Variants in CFAP20DC observed in about 807,000 individuals in gnomAD.
The protein encoded by CFAP20DC is CFAP20 domain containing.
CFAP20DC carries 84 observed loss-of-function variants against 101.7 expected under a neutral mutation model. The observed-to-expected ratio is 0.83, with a 90% confidence interval of 0.69 to 0.99. The LOEUF is 0.99. CFAP20DC is among the 50% of genes least tolerant of loss of function. The pLI is 0.00. For missense variants in CFAP20DC, 1,007 were observed against 970.3 expected (o/e 1.04, Z -0.50); for synonymous variants, 359 against 351.2 (o/e 1.02, Z -0.25).
chr3:58,741,421 T>TG, downstream of CFAP20DC, among the ~76,000 whole-genome samples: 1 of 151,962 alleles, frequency 6.6e-6, no homozygotes, highest in African/African-American at 2.4e-5. Context: ...TGTGTGGCAG[T>TG]GGGGGGATTT....
intron 8 of CFAP20DC, 94 bp downstream of exon 8, chr3:58,870,078 TG>T: frequency 1.9e-6 from 2 of 1,043,556 alleles, no homozygotes; most frequent in Non-Finnish European, 2.9e-6. Context: ...TCTGTCTGTC[TG>T]TCTTTCCCTC....
chr3:58,796,604 G>A (rs1277333075), intron 15 of CFAP20DC, among the ~76,000 whole-genome samples: 2 of 152,136 alleles, frequency 1.3e-5, no homozygotes, highest in Non-Finnish European at 2.9e-5. Context: ...AGTTAAATTT[G>A]ACAGTGCACC....
At chr3:58,972,438 C>G (rs1326100867) in intron 4 of CFAP20DC, among the ~76,000 whole-genome samples, 1 of 152,064 alleles carries the variant, frequency 6.6e-6, no homozygotes, top group Non-Finnish European at 1.5e-5. Context: ...TGTAGAGGAC[C>G]TGAAGAAAAA....
At chr3:58,813,854 C>G (rs1319632607) in intron 14 of CFAP20DC, among the ~76,000 whole-genome samples, 1 of 151,810 alleles carries the variant, frequency 6.6e-6, no homozygotes, top group Non-Finnish European at 1.5e-5. Flanking sequence ...GCTGGGAGAA[C>G]AGTGGAAGGA....
chr3:58,831,991 C>T, intron 13 of CFAP20DC, 102 bp from the exon 14 acceptor site: 2 of 939,116 alleles, frequency 2.1e-6, no homozygotes, highest in Non-Finnish European at 3.3e-6. Flanking sequence ...CCCCAACTGA[C>T]AGAGGCCCAA....
chr3:58,843,633 C>A (rs941446994), intron 13 of CFAP20DC, among the ~76,000 whole-genome samples: 24 of 151,804 alleles, frequency 1.6e-4, no homozygotes, highest in African/African-American at 4.8e-4. Context: ...GAAAGGCAGG[C>A]CAACGTTCAG....
intron 12 of CFAP20DC, among the ~76,000 whole-genome samples, chr3:58,858,657 AT>A (rs2079022252): frequency 6.6e-6 from 1 of 152,202 alleles, no homozygotes; most frequent in Non-Finnish European, 1.5e-5. Context: ...CATGAAAAAA[AT>A]CTTATGTAAA....
At position 59,035,962 on chromosome 3, in the gene CFAP20DC, T is replaced by C. The variant is rs567442505; in HGVS notation, c.278+3595A>G. ...AAAAAGCTTATCCACCACAATCAAG[T>C]TGGCTTCATCCCTGGGATGCAAGGC... is the stretch of plus-strand genomic sequence containing the variant. On this transcript the variant is annotated intron_variant, in intron 4 of 16. Coordinates refer to ENST00000482387, the MANE Select transcript of CFAP20DC (RefSeq NM_001394063.1). 7.2e-5 allele frequency among the ~76,000 whole-genome samples: 11 copies of C among 151,804 alleles called. 1 individual carries two copies. The East Asian group carries it at 1.7e-3, about 24-fold the overall frequency.
At chr3:58,907,816 G>A (rs574711004) in intron 6 of CFAP20DC, among the ~76,000 whole-genome samples, 1 of 152,144 alleles carries the variant, frequency 6.6e-6, no homozygotes, top group Non-Finnish European at 1.5e-5. Flanking sequence ...GATAGGGTGC[G>A]TACAAGGCGA....
In CFAP20DC at chr3:58,724,792, G is replaced by A. The variant is rs2067525979; in HGVS notation, c.198-7164C>T. Among the ~76,000 whole-genome samples the A allele has an allele frequency of 6.6e-6, 1 of 152,052 alleles. No homozygotes were observed. Among genetic ancestry groups the A allele is most frequent in the Non-Finnish European group, 1.5e-5 (1 of 68,014 alleles). ...TCTTCTCAATCCTTTGTCGCCACCGGACTTCGGGTACCCTACGGGTGGGTG... is the reference window on the plus strand; with the variant it reads ...TCTTCTCAATCCTTTGTCGCCACCGAACTTCGGGTACCCTACGGGTGGGTG... On this transcript the variant is annotated intron_variant, in intron 3 of 3. Coordinates refer to the CFAP20DC transcript ENST00000486145. The surrounding 1 kb of genome is among the most constrained non-coding windows in gnomAD (Gnocchi z 5.6).
At chr3:58,862,322 T>C in intron 12 of CFAP20DC, 1 of 985,458 alleles carries the variant, frequency 1.0e-6, no homozygotes, top group African/African-American at 1.7e-5. Context: ...AGGACACTAT[T>C]AGGTGCTGAA....
chr3:58,921,649 T>A (rs182285511), intron 5 of CFAP20DC, among the ~76,000 whole-genome samples: 2 of 152,328 alleles, frequency 1.3e-5, no homozygotes, highest in Non-Finnish European at 2.9e-5. Context: ...GCCTAACATA[T>A]CATATATTTT....
chr3:58,929,842 T>C (rs1377534483), intron 5 of CFAP20DC, among the ~76,000 whole-genome samples: 1 of 152,194 alleles, frequency 6.6e-6, no homozygotes, highest in Non-Finnish European at 1.5e-5. Context: ...GAACTTCTTA[T>C]TGAAGTTACT....
chr3:59,035,459 G>A (rs1281913611), intron 4 of CFAP20DC, among the ~76,000 whole-genome samples: 1 of 152,024 alleles, frequency 6.6e-6, no homozygotes, highest in African/African-American at 2.4e-5. Flanking sequence ...GACTACTAAA[G>A]AAGAAAAGAC....
intron 5 of CFAP20DC, among the ~76,000 whole-genome samples, chr3:58,936,928 A>C (rs975480319): frequency 6.7e-6 from 1 of 149,494 alleles, no homozygotes; most frequent in Non-Finnish European, 1.5e-5. Context: ...TATAATAATA[A>C]CAAAATTAAA....
At chr3:58,820,028 C>T (rs1438329859) in intron 14 of CFAP20DC, among the ~76,000 whole-genome samples, 2 of 147,422 alleles carry the variant, frequency 1.4e-5, no homozygotes, top group Non-Finnish European at 3.0e-5. Context: ...ATAAACAGAG[C>T]CAAAGACAAA....
rs1156316598 is a variant in CFAP20DC at position 58,867,555 on chromosome 3, A to C, written c.1135+262T>G. Among the ~76,000 whole-genome samples, 3 of 152,202 alleles carry C rather than the reference A, an allele frequency of 2.0e-5. No individual in the cohort carries two copies. The East Asian group carries it at 5.8e-4, about 29-fold the overall frequency. ...TTGGGCCATTTTTTTCAAAAACAAT[A>C]ATTTAAGCTTATTCAGTCTTTGAGA... is the stretch of plus-strand genomic sequence containing the variant. On this transcript the variant is annotated intron_variant, in intron 10 of 16. Transcript: ENST00000482387.
intron 16 of CFAP20DC, among the ~76,000 whole-genome samples, chr3:58,750,436 GA>G (rs2068489364): frequency 6.6e-6 from 1 of 152,138 alleles, no homozygotes; most frequent in African/African-American, 2.4e-5. Context: ...AGGCTATTGT[GA>G]GAATTCAAGT....
intron 4 of CFAP20DC, among the ~76,000 whole-genome samples, chr3:59,032,529 T>A (rs1365734194): frequency 1.3e-5 from 2 of 152,050 alleles, no homozygotes; most frequent in Non-Finnish European, 2.9e-5. Context: ...GCATCCACCA[T>A]TACTGAGGCT....
Sources: gnomAD v4.1 joint callset for allele counts (sites outside exome capture counted in the v4.1 genomes callset) on GRCh38, gnomAD v4.1.1 for gene constraint, Gnocchi (gnomAD v3.1) non-coding constraint, MANE v1.5 for transcripts, NCBI Gene and HGNC (gene_info 2026-07-23, HGNC 2026-07-21) for gene names.